The following PCDHA5 variants were observed in gnomAD, a reference collection of about 807,000 sequenced individuals.
PCDHA5 encodes protocadherin alpha-5.
PCDHA5 carries 43 observed loss-of-function variants against 61.6 expected under a neutral mutation model. The ratio of observed to expected loss-of-function variants is 0.70; its 90% CI spans 0.55 to 0.90. The LOEUF (loss-of-function observed/expected upper bound fraction) is 0.90, where lower values mean the gene tolerates loss of function less well. Ranked by LOEUF, PCDHA5 falls within the 40% of genes least tolerant of loss-of-function variation. PCDHA5 has a pLI of 0.00. For missense variants in PCDHA5, 1,298 were observed against 1,222.7 expected (o/e 1.06, Z -0.92); for synonymous variants, 627 against 543.9 (o/e 1.15, Z -2.13).
chr5:140,923,974 C>G (rs2081604148), intron 1 of PCDHA5, among the ~76,000 whole-genome samples: 1 of 152,212 alleles, frequency 6.6e-6, no homozygotes, highest in South Asian at 2.1e-4. Context: ...CCCACACATA[C>G]TATCCCTCTA....
chr5:140,927,731 T>G lies in PCDHA5; in HGVS notation c.2353-51218T>G, dbSNP rs781789205. 19 of 1,614,078 alleles carry G rather than the reference T, an allele frequency of 1.2e-5. No individual in the cohort carries two copies. The highest frequency in any genetic ancestry group is 1.4e-5 in the Non-Finnish European group (17 of 1,180,038). ...CTAAGCAACAGCACGCAAGCAGAGC[T>G]GCGACACCGCTTTCACGTGCACCCT... On this transcript the variant is annotated intron_variant, in intron 1 of 3. Transcript: ENST00000529859.
chr5:140,967,116 G>T, intron 1 of PCDHA5: 1 of 1,612,922 alleles, frequency 6.2e-7, no homozygotes, highest in Non-Finnish European at 8.5e-7. Flanking sequence ...CGGCCTCGCT[G>T]CCTGCTCAGC....
At chr5:140,984,612 G>T (rs2097111075) in intron 3 of PCDHA5, among the ~76,000 whole-genome samples, 1 of 152,026 alleles carries the variant, frequency 6.6e-6, no homozygotes, top group Admixed American at 6.6e-5. Flanking sequence ...CTGCATCAGT[G>T]GTGTAAAGTT....
intron 1 of PCDHA5, chr5:140,850,637 G>A: frequency 6.3e-7 from 1 of 1,598,640 alleles, no homozygotes; most frequent in Non-Finnish European, 8.6e-7. Flanking sequence ...TGGTTCTCAC[G>A]CTGCTGCTGT....
At chr5:140,973,984 C>CT (rs2096610197) in intron 1 of PCDHA5, among the ~76,000 whole-genome samples, 1 of 152,186 alleles carries the variant, frequency 6.6e-6, no homozygotes, top group East Asian at 1.9e-4. Flanking sequence ...TTTTACAGAA[C>CT]TTCACCTGGA....
intron 1 of PCDHA5, chr5:140,853,237 A>T: frequency 1.0e-6 from 1 of 980,784 alleles, no homozygotes; most frequent in Non-Finnish European, 1.2e-6. Context: ...TTAGTCCTTC[A>T]TATTAATCTC....
chr5:140,847,895 A>G (rs1554141940), intron 1 of PCDHA5: 1 of 149,664 alleles, frequency 6.7e-6, no homozygotes, highest in African/African-American at 2.5e-5. Context: ...CTTTTTCATC[A>G]GTAGATTTCT....
chr5:140,848,892 T>C, intron 1 of PCDHA5: 1 of 1,601,494 alleles, frequency 6.2e-7, no homozygotes, highest in East Asian at 2.2e-5. Context: ...CCCTCCAGTG[T>C]TCCCAGCGAC....
chr5:140,882,560 C>G (rs150463901), intron 1 of PCDHA5: 2 of 1,614,168 alleles, frequency 1.2e-6, no homozygotes, highest in African/African-American at 2.7e-5. Context: ...GCTGTGTGGG[C>G]GGAGCGCGGA....
chr5:140,995,954 A>G (rs2097705768), intron 3 of PCDHA5, among the ~76,000 whole-genome samples: 1 of 152,226 alleles, frequency 6.6e-6, no homozygotes, highest in South Asian at 2.1e-4. Context: ...TGCACGCAAA[A>G]TGCTTAGAAC....
At chr5:140,885,107 T>G (rs2060471687) in intron 1 of PCDHA5, among the ~76,000 whole-genome samples, 1 of 152,238 alleles carries the variant, frequency 6.6e-6, no homozygotes, top group African/African-American at 2.4e-5. Context: ...TAAATGCTTT[T>G]TTTAAGTGCA....
intron 1 of PCDHA5, chr5:140,884,310 G>C (rs1562802595): frequency 1.2e-6 from 2 of 1,613,792 alleles, no homozygotes; most frequent in African/African-American, 2.7e-5. Context: ...GCTTCGTCGA[G>C]GGCGTCGGCA....
At position 140,850,688 on chromosome 5, in the gene PCDHA5, G is replaced by A. The variant is rs2150494137; in HGVS notation, c.2352+26561G>A. On this transcript the variant is annotated intron_variant, in intron 1 of 3. Coordinates refer to ENST00000529859, the MANE Select transcript of PCDHA5 (RefSeq NM_018908.3). ...GCTCGGCGATGCCCACCGAGGGCGA[G>A]TGCGCGCCTGGCAAGCCGACGCTGG... The A allele has an allele frequency of 4.4e-6, 7 of 1,598,388 alleles. 1 individual carries two copies. The African/African-American group carries it at 8.1e-5, about 18-fold the overall frequency.
chr5:140,937,521 G>A (rs1244752316), intron 1 of PCDHA5, among the ~76,000 whole-genome samples: 1 of 152,106 alleles, frequency 6.6e-6, no homozygotes, highest in Non-Finnish European at 1.5e-5. Context: ...GGAGGCTGAG[G>A]CAGGAGAATT....
rs1554162489 is a variant in PCDHA5 at position 140,869,104 on chromosome 5, A to G, written c.2352+44977A>G. 2.5e-6 allele frequency: 4 copies of G among 1,601,646 alleles called. No individual in the cohort carries two copies. In the Admixed American group the frequency reaches 5.1e-5, roughly 21 times the overall value. On this transcript the variant is annotated intron_variant, in intron 1 of 3. Coordinates refer to ENST00000529859, the MANE Select transcript of PCDHA5 (RefSeq NM_018908.3). ...ATTTTGGAAGCCAATTTCGTATGCG[A>G]TGTTTGGTTTTCAGAGAAGGGGATT... is the stretch of plus-strand genomic sequence containing the variant.
rs1290626143 is a variant in PCDHA5 at position 141,010,228 on chromosome 5, C to G, written c.*291C>G. On this transcript the variant is annotated 3_prime_UTR_variant, in exon 4 of 4. Transcript: ENST00000529859. ...CCGCAAAGGAGAGGCTTCCCAGCCC[C>G]GCCAGTGAGAGGTTGGACTCTCTGC... The G allele has an allele frequency of 1.1e-5, 17 of 1,551,916 alleles. No individual in the cohort carries two copies. Among genetic ancestry groups the G allele is most frequent in the Non-Finnish European group, 1.5e-5 (17 of 1,147,054 alleles).
intron 1 of PCDHA5, chr5:140,967,061 C>T: frequency 6.2e-7 from 1 of 1,612,886 alleles, no homozygotes; most frequent in Non-Finnish European, 8.5e-7. Context: ...GAGTGGAGCG[C>T]TCTTCGTCAA....
At chr5:140,844,920 G>A (rs1554140772) in intron 1 of PCDHA5, among the ~76,000 whole-genome samples, 1 of 149,212 alleles carries the variant, frequency 6.7e-6, no homozygotes, top group Non-Finnish European at 1.5e-5. Context: ...AGAAATTGAT[G>A]GAAGGGAATG....
intron 3 of PCDHA5, chr5:140,988,926 A>C (rs562175503): frequency 6.6e-6 from 1 of 152,238 alleles, no homozygotes; most frequent in Non-Finnish European, 1.5e-5. Flanking sequence ...ATAGAACAAC[A>C]CTGTTCTCTT....
Sources: gnomAD v4.1 joint callset for allele counts (sites outside exome capture counted in the v4.1 genomes callset) on GRCh38, gnomAD v4.1.1 for gene constraint, MANE v1.5 for transcripts, NCBI Gene and HGNC (gene_info 2026-07-23, HGNC 2026-07-21) for gene names.